The following FANCD2OS variants were observed in gnomAD, a reference collection of about 807,000 sequenced individuals.
FANCD2OS encodes FANCD2 opposite strand, also known as FANCD2 opposite strand protein.
In FANCD2OS, 11 loss-of-function variants were observed where a neutral mutation model predicts 13.2. The ratio of observed to expected loss-of-function variants is 0.83; its 90% CI spans 0.52 to 1.38. The LOEUF is 1.38. Ranked by LOEUF, FANCD2OS falls within the 40% of genes most tolerant of loss-of-function variation. FANCD2OS has a pLI of 0.00. For synonymous variants in FANCD2OS, 69 were observed against 84.5 expected, an observed-to-expected ratio of 0.82 and a Z score of 1.01; for missense variants, 217 against 213.9, an observed-to-expected ratio of 1.01 and a Z score of -0.09.
At chr3:10,100,091 G>A (rs1341421965), downstream of FANCD2OS, among the ~76,000 whole-genome samples, 1 of 152,060 alleles carries the variant, frequency 6.6e-6, no homozygotes, top group Non-Finnish European at 1.5e-5. Context: ...AGGAGGCTGA[G>A]GTGGGAGGGT....
chr3:10,095,207 T>C lies in FANCD2OS; in HGVS notation c.*43+8991A>G, dbSNP rs1455546700. The C allele has an allele frequency of 5.6e-6, 9 of 1,613,558 alleles. No individual in the cohort carries two copies. In the African/African-American group the frequency reaches 1.2e-4, roughly 22 times the overall value. On this transcript the variant is annotated intron_variant, in intron 2 of 2. Transcript: ENST00000524279. ...TAAACTTATTGGTTATAGGAAGATG[T>C]TCTGAGCTTACTGGAAACCTTCCAG... is the stretch of plus-strand genomic sequence containing the variant.
intron 2 of FANCD2OS, among the ~76,000 whole-genome samples, chr3:10,083,308 A>T (rs1455181423): frequency 2.0e-5 from 3 of 152,226 alleles, no homozygotes; most frequent in Admixed American, 6.5e-5. Flanking sequence ...AAAAACAATT[A>T]AAATAAATAC....
chr3:10,088,862 G>T, intron 2 of FANCD2OS: 1 of 1,614,058 alleles, frequency 6.2e-7, no homozygotes. Flanking sequence ...CATTCTGAAG[G>T]CCATAGAGGA....
At chr3:10,102,844 A>G (rs1186585830), downstream of FANCD2OS, 1 of 147,136 alleles carries the variant, frequency 6.8e-6, no homozygotes, top group Non-Finnish European at 1.4e-5. Context: ...CTCCGTCTCA[A>G]AAAAAAAAAA....
rs767901156 is a variant in FANCD2OS, at chr3:10,081,346, T to A, written c.*229A>T. 3 of 1,613,426 alleles carry A rather than the reference T, an allele frequency of 1.9e-6. No homozygotes were observed. In the East Asian group the frequency reaches 6.7e-5, roughly 36 times the overall value. On this transcript the variant is annotated 3_prime_UTR_variant, in exon 3 of 3. Coordinates refer to the FANCD2OS transcript ENST00000524279. The stretch of plus-strand genomic sequence containing the variant: ...GTCCTAAAATCATTTTTATTTTTAG[T>A]GTTTAGCTGCTGAGAATCACGGTGT...
chr3:10,097,305 G>A (rs577763310), intron 2 of FANCD2OS, among the ~76,000 whole-genome samples: 6 of 152,246 alleles, frequency 3.9e-5, no homozygotes, highest in South Asian at 2.1e-4. Context: ...TTTATTAGGC[G>A]GGAATTTCCT....
chr3:10,098,451 G>C (rs540496089), downstream of FANCD2OS, among the ~76,000 whole-genome samples: 3 of 152,196 alleles, frequency 2.0e-5, no homozygotes, highest in African/African-American at 7.2e-5. Flanking sequence ...CACCAATACA[G>C]TCTAGCCTTT....
chr3:10,090,415 TG>T, intron 2 of FANCD2OS: 1 of 1,269,002 alleles, frequency 7.9e-7, no homozygotes, highest in Non-Finnish European at 1.1e-6. Context: ...CTTCAAGAAG[TG>T]GACTTTGGAT....
rs139704945 is a variant in FANCD2OS, at chr3:10,106,845, C to T, written c.-9+1170G>A. Among the ~76,000 whole-genome samples the T allele has an allele frequency of 2.9e-3, 438 of 152,170 alleles. 1 individual carries two copies. Among genetic ancestry groups the T allele is most frequent in the African/African-American group, 9.2e-3 (382 of 41,536 alleles). Reference sequence around the variant, plus strand: ...AGGAGAATCACTTGAATGGAGGCTGCGGTGAGCCGGGATCAAGCCATTGAA... The same window carrying T: ...AGGAGAATCACTTGAATGGAGGCTGTGGTGAGCCGGGATCAAGCCATTGAA... On this transcript the variant is annotated intron_variant, in intron 1 of 1. Coordinates refer to ENST00000450660, the MANE Select transcript of FANCD2OS (RefSeq NM_001164839.2).
intron 1 of FANCD2OS, among the ~76,000 whole-genome samples, chr3:10,105,618 C>T (rs186692480): frequency 2.7e-5 from 4 of 150,512 alleles, no homozygotes; most frequent in East Asian, 2.0e-4. Context: ...GGCGTGGTGG[C>T]GCATGCCTGT....
At chr3:10,087,663 T>A (rs1438497494) in intron 2 of FANCD2OS, among the ~76,000 whole-genome samples, 1 of 152,202 alleles carries the variant, frequency 6.6e-6, no homozygotes, top group African/African-American at 2.4e-5. Flanking sequence ...TTTCTTTTTT[T>A]TTGAGACAGA....
At chr3:10,087,232 C>G (rs2125072792) in intron 2 of FANCD2OS, 1 of 1,576,456 alleles carries the variant, frequency 6.3e-7, no homozygotes, top group Non-Finnish European at 8.7e-7. Context: ...TTGGAGAAAT[C>G]AACAGCTTCT....
At chr3:10,088,515 C>A in intron 2 of FANCD2OS, 1 of 1,609,604 alleles carries the variant, frequency 6.2e-7, no homozygotes, top group Non-Finnish European at 8.5e-7. Flanking sequence ...AGCAACATCT[C>A]TAATGACCAG....
chr3:10,098,761 A>G (rs1695128673), downstream of FANCD2OS: 2 of 1,614,088 alleles, frequency 1.2e-6, no homozygotes, highest in Admixed American at 1.7e-5. Flanking sequence ...AGAGCACAGC[A>G]GATGAGAGTG....
chr3:10,095,186 CTT>C, intron 2 of FANCD2OS: 1 of 1,606,780 alleles, frequency 6.2e-7, no homozygotes, highest in Non-Finnish European at 8.5e-7. Context: ...CATTTATAAA[CTT>C]ATTGGTTATA....
intron 2 of FANCD2OS, among the ~76,000 whole-genome samples, chr3:10,087,845 C>T (rs1016388876): frequency 9.2e-5 from 14 of 152,112 alleles, no homozygotes; most frequent in African/African-American, 3.4e-4. Context: ...GACGGGGTTT[C>T]ACCATGTTGG....
rs375895382 is a variant in FANCD2OS at position 10,105,078 on chromosome 3, C to G, written c.-8-296G>C. Among the ~76,000 whole-genome samples, 18 of 152,120 alleles carry G rather than the reference C, an allele frequency of 1.2e-4. 1 individual carries two copies. In the East Asian group the frequency reaches 1.3e-3, roughly 11 times the overall value. On this transcript the variant is annotated intron_variant, in intron 1 of 1. Coordinates refer to ENST00000450660, the MANE Select transcript of FANCD2OS (RefSeq NM_001164839.2). The stretch of plus-strand genomic sequence containing the variant: ...ATGTTGGCCAGGCTGCTCTCCAACT[C>G]CTGACCTCAGGTGATCCACCGCCTC...
intron 2 of FANCD2OS, among the ~76,000 whole-genome samples, chr3:10,092,944 A>C (rs563368606): frequency 1.3e-5 from 2 of 152,122 alleles, no homozygotes; most frequent in South Asian, 4.2e-4. Context: ...CACCAGCCTC[A>C]GCCTCCCAAA....
intron 2 of FANCD2OS, among the ~76,000 whole-genome samples, chr3:10,084,472 T>C (rs1042781853): frequency 3.3e-5 from 5 of 151,532 alleles, no homozygotes; most frequent in African/African-American, 4.9e-5. Context: ...CCTTTTTTTT[T>C]TCTTTGGTAG....
Sources: allele counts gnomAD v4.1 joint callset (sites outside exome capture counted in the v4.1 genomes callset), GRCh38; gene constraint gnomAD v4.1.1; transcripts MANE v1.5; gene names NCBI Gene and HGNC (gene_info 2026-07-23, HGNC 2026-07-21).